The following LYST variants were observed in gnomAD, a reference collection of about 807,000 sequenced individuals.
LYST encodes lysosomal trafficking regulator.
LYST carries 192 observed loss-of-function variants against 413.6 expected under a neutral mutation model. The observed-to-expected ratio is 0.46, with a 90% CI of 0.41 to 0.52. The LOEUF (loss-of-function observed/expected upper bound fraction) is 0.52. Among genes scored for constraint, LYST ranks in the 20% least tolerant of loss-of-function variants. The probability of loss-of-function intolerance (pLI) is 0.00; values close to 1 mark genes in which losing one functional copy is unlikely to be tolerated. For synonymous variants in LYST, 1,525 were observed against 1,567.3 expected, an observed-to-expected ratio of 0.97 and a Z score of 0.64; for missense variants, 3,815 against 4,499.9, an observed-to-expected ratio of 0.85 and a Z score of 4.35.
At chr1:235,814,619 T>G (rs992877583) in intron 3 of LYST, among the ~76,000 whole-genome samples, 3 of 152,094 alleles carry the variant, frequency 2.0e-5, no homozygotes, top group African/African-American at 7.2e-5. Context: ...CCGAAAAGCA[T>G]TTAGTAACTG....
chr1:235,801,421 C>T (rs183199092), intron 8 of LYST, among the ~76,000 whole-genome samples: 7 of 151,446 alleles, frequency 4.6e-5, no homozygotes, highest in African/African-American at 1.2e-4. Context: ...TCTGACCCCC[C>T]CCTCAAATAC....
intron 1 of LYST, among the ~76,000 whole-genome samples, chr1:235,861,197 A>C (rs1679829879): frequency 6.6e-6 from 1 of 152,162 alleles, no homozygotes; most frequent in Non-Finnish European, 1.5e-5. Flanking sequence ...TTATGTCCTC[A>C]TCCATTTTAT....
chr1:235,859,831 G>T (rs1020701463), intron 1 of LYST, among the ~76,000 whole-genome samples: 1 of 152,146 alleles, frequency 6.6e-6, no homozygotes, highest in Non-Finnish European at 1.5e-5. Context: ...AAGGGATGTT[G>T]TCAGGGTTAA....
At chr1:235,764,666 A>T (rs1055466961) in intron 21 of LYST, among the ~76,000 whole-genome samples, 2 of 148,098 alleles carry the variant, frequency 1.4e-5, no homozygotes, top group South Asian at 2.1e-4. Context: ...TGCCAGGCTA[A>T]TTTTTTTTTT....
At chr1:235,684,180 T>C (rs1660037790) in intron 48 of LYST, among the ~76,000 whole-genome samples, 1 of 152,196 alleles carries the variant, frequency 6.6e-6, no homozygotes, top group African/African-American at 2.4e-5. Flanking sequence ...GCTCTTGATC[T>C]GCTTCCTCAA....
At chr1:235,881,911 G>T (rs1018248781) in intron 1 of LYST, among the ~76,000 whole-genome samples, 48 of 152,150 alleles carry the variant, frequency 3.2e-4, no homozygotes, top group African/African-American at 1.1e-3. Flanking sequence ...TTTCAGCTGG[G>T]GAAGTTTAAA....
At chr1:235,731,262 G>T (rs1423722655) in intron 34 of LYST, 85 bp from the exon 35 acceptor site, 2 of 1,171,992 alleles carry the variant, frequency 1.7e-6, no homozygotes, top group Non-Finnish European at 2.6e-6. Context: ...GATTGAGTAA[G>T]TAAGTCACAA....
chr1:235,815,409 C>T (rs1004351527), intron 3 of LYST, among the ~76,000 whole-genome samples: 2 of 152,030 alleles, frequency 1.3e-5, no homozygotes, highest in Non-Finnish European at 2.9e-5. Flanking sequence ...TTTAGACAGG[C>T]TATTTAGGAT....
chr1:235,880,920 G>T (rs1361053514), intron 1 of LYST, among the ~76,000 whole-genome samples: 1 of 152,166 alleles, frequency 6.6e-6, no homozygotes, highest in Admixed American at 6.5e-5. Flanking sequence ...GAGGTCCGGA[G>T]TTCAAGACCA....
chr1:235,753,856 T>C (rs1558191861), intron 25 of LYST, among the ~76,000 whole-genome samples: 1 of 152,178 alleles, frequency 6.6e-6, no homozygotes, highest in Non-Finnish European at 1.5e-5. Flanking sequence ...AGCCAAAAGT[T>C]GTATGTAAAT....
intron 50 of LYST, among the ~76,000 whole-genome samples, chr1:235,668,940 C>G (rs558955840): frequency 6.6e-6 from 1 of 152,262 alleles, no homozygotes; most frequent in East Asian, 1.9e-4. Flanking sequence ...GGGGCTAAGA[C>G]TAGCAAAAAT....
intron 43 of LYST, among the ~76,000 whole-genome samples, chr1:235,711,010 A>T (rs761049147): frequency 6.6e-5 from 10 of 152,222 alleles, no homozygotes; most frequent in Non-Finnish European, 1.5e-4. Context: ...AGGCAACAGC[A>T]TGAGACACCC....
At chr1:235,840,678 G>A (rs2103044403) in intron 1 of LYST, among the ~76,000 whole-genome samples, 1 of 152,306 alleles carries the variant, frequency 6.6e-6, no homozygotes, top group Non-Finnish European at 1.5e-5. Context: ...TTTTGAACAT[G>A]TGAGTGGCAT....
chr1:235,727,485 TC>T (rs1474915105), intron 38 of LYST, among the ~76,000 whole-genome samples: 1 of 152,034 alleles, frequency 6.6e-6, no homozygotes, highest in African/African-American at 2.4e-5. Flanking sequence ...ATTTAGTATA[TC>T]CTTAGGAATT....
chr1:235,709,422 AG>A, intron 43 of LYST, 114 bp from the exon 44 acceptor site: 1 of 799,684 alleles, frequency 1.3e-6, no homozygotes, highest in East Asian at 2.7e-5. Context: ...CAACCAAAAA[AG>A]GGAATAGCAA....
chr1:235,754,581 A>G (rs541197064), intron 25 of LYST, among the ~76,000 whole-genome samples: 115 of 152,222 alleles, frequency 7.6e-4, no homozygotes, highest in Non-Finnish European at 1.4e-3. Flanking sequence ...AATCTTAGCT[A>G]TCACTTTCAT....
intron 21 of LYST, among the ~76,000 whole-genome samples, chr1:235,764,851 T>C (rs919495978): frequency 2.0e-5 from 3 of 152,218 alleles, no homozygotes; most frequent in Non-Finnish European, 4.4e-5. Context: ...AGTTTTCCAA[T>C]GTAAATTTAT....
chr1:235,779,210 C>A (rs1669617939), intron 16 of LYST, among the ~76,000 whole-genome samples: 1 of 152,174 alleles, frequency 6.6e-6, no homozygotes, highest in African/African-American at 2.4e-5. Context: ...AAGCTTATAA[C>A]TCCCAAATTA....
chr1:235,739,218 T>C (rs1249304848), intron 31 of LYST, among the ~76,000 whole-genome samples: 1 of 152,218 alleles, frequency 6.6e-6, no homozygotes, highest in Non-Finnish European at 1.5e-5. Context: ...TACCATTCTG[T>C]AGGCTGGATG....
Sources: gnomAD v4.1 joint callset for allele counts (sites outside exome capture counted in the v4.1 genomes callset) on GRCh38, gnomAD v4.1.1 for gene constraint, MANE v1.5 for transcripts, NCBI Gene and HGNC (gene_info 2026-07-23, HGNC 2026-07-21) for gene names.